Variants in TCP10L observed in about 807,000 individuals in gnomAD.
TCP10L encodes the protein t-complex 10 like, also known as T-complex protein 10A homolog 1.
A neutral mutation model predicts 19.2 loss-of-function variants in TCP10L; 11 were observed. The observed-to-expected ratio is 0.57, with a 90% CI of 0.36 to 0.95. The LOEUF (loss-of-function observed/expected upper bound fraction) is 0.95. TCP10L is among the 40% of genes least tolerant of loss of function. The pLI is 0.01. For synonymous variants in TCP10L, 96 were observed against 97.2 expected (o/e 0.99, Z 0.07); for missense variants, 247 against 263.9 (o/e 0.94, Z 0.44).
chr21:32,581,601 G>T (rs966336639), intron 3 of TCP10L, among the ~76,000 whole-genome samples: 2 of 152,154 alleles, frequency 1.3e-5, no homozygotes, highest in African/African-American at 2.4e-5. Flanking sequence ...TCCCCTAGAG[G>T]TTTGAGCAGT....
At chr21:32,577,214 C>T (rs149632332) in intron 4 of TCP10L, among the ~76,000 whole-genome samples, 1 of 152,310 alleles carries the variant, frequency 6.6e-6, no homozygotes, top group Non-Finnish European at 1.5e-5. Flanking sequence ...CTACATTTTG[C>T]ACTATTTAAC....
rs2038508481 is a variant in TCP10L at position 32,582,585 on chromosome 21, C to CTTTCCTTTCTTTCTTTCTTTTCTTTT, written c.145-171_145-170insAAAAGAAAAGAAAGAAAGAAAGGAAA. On this transcript the variant is annotated intron_variant, in intron 2 of 4. Coordinates refer to ENST00000300258, the MANE Select transcript of TCP10L (RefSeq NM_144659.7). The surrounding 1 kb of genome is among the most constrained non-coding windows in gnomAD (Gnocchi z 4.2). ...CAGCCTTTTTCTTTCTTCTTTCTTT[C>CTTTCCTTTCTTTCTTTCTTTTCTTTT]CTTTCTTTCTTTCTTTTCTTTTCTT... Among the ~76,000 whole-genome samples, 1 of 151,202 alleles carries CTTTCCTTTCTTTCTTTCTTTTCTTTT rather than the reference C, an allele frequency of 6.6e-6. No homozygotes were observed. Among genetic ancestry groups the CTTTCCTTTCTTTCTTTCTTTTCTTTT allele is most frequent in the Non-Finnish European group, 1.5e-5 (1 of 67,782 alleles).
At chr21:32,585,246 T>G (rs2038548906) in intron 1 of TCP10L, among the ~76,000 whole-genome samples, 175 bp downstream of exon 1, 1 of 152,188 alleles carries the variant, frequency 6.6e-6, no homozygotes, top group Non-Finnish European at 1.5e-5. Context: ...CCGCGGAGAC[T>G]GGGAATGTTT....
rs143047934 is a variant in TCP10L, at chr21:32,576,761, C to A, written c.*13G>T. On this transcript the variant is annotated 3_prime_UTR_variant, in exon 5 of 5. Transcript: ENST00000300258. Reference sequence around the variant, plus strand: ...GTAGAGTGACACAGGTGTCCGAGGCCACCTTTCCATCTTCAGACACCCCCC... The same window carrying A: ...GTAGAGTGACACAGGTGTCCGAGGCAACCTTTCCATCTTCAGACACCCCCC... 2 of 1,611,078 alleles carry A rather than the reference C, an allele frequency of 1.2e-6. No homozygotes were observed. Among genetic ancestry groups the A allele is most frequent in the Non-Finnish European group, 1.7e-6 (2 of 1,178,940 alleles).
At chr21:32,585,238 G>A (rs1248443689) in intron 1 of TCP10L, among the ~76,000 whole-genome samples, 183 bp downstream of exon 1, 2 of 152,158 alleles carry the variant, frequency 1.3e-5, no homozygotes, top group African/African-American at 2.4e-5. Context: ...TTCCTTCCCC[G>A]CGGAGACTGG....
rs141416764 is a variant in TCP10L at position 32,582,206 on chromosome 21, G to A, written c.354C>T (p.His118=). The A allele has an allele frequency of 1.8e-4, 291 of 1,614,082 alleles. No homozygotes were observed. The Middle Eastern group carries it at 1.8e-3, about 10-fold the overall frequency. ...AASPHAGQES[H]TLALEPAFGK... ...ATAAATGCGCTTTTGGTACCAGAGT[G>A]TGCGATTCTTGCCCCGCGTGTGGGG... Residue 118 remains histidine, a synonymous_variant, in exon 3 of 5, where the codon CAC becomes CAT. Transcript: ENST00000300258. This position sits in a 1 kb window ranked among gnomAD's most constrained non-coding sequence, Gnocchi z 4.2.
Position 32,584,152 on chromosome 21 carries a change from T to C in TCP10L, c.144+9A>G. The C allele has an allele frequency of 6.2e-7, 1 of 1,610,062 alleles. No homozygotes were observed. Among genetic ancestry groups the C allele is most frequent in the Non-Finnish European group, 8.5e-7 (1 of 1,177,338 alleles). The stretch of plus-strand genomic sequence containing the variant: ...GGGACTAACTCTGTCCCCACAGAGC[T>C]CAACTCACTGGCATCTCCCCAGTGT... On this transcript the variant is annotated intron_variant, in intron 2 of 4. Coordinates refer to ENST00000300258, the MANE Select transcript of TCP10L (RefSeq NM_144659.7).
intron 4 of TCP10L, chr21:32,577,308 C>T: frequency 5.3e-6 from 1 of 188,546 alleles, no homozygotes; most frequent in Non-Finnish European, 1.1e-5. Flanking sequence ...GTGATTAACT[C>T]AGGTCAATGA....
intron 3 of TCP10L, among the ~76,000 whole-genome samples, chr21:32,581,200 G>T (rs924754200): frequency 6.6e-6 from 1 of 152,224 alleles, no homozygotes; most frequent in Admixed American, 6.5e-5. Context: ...GGAATGACAC[G>T]GAGTTTGCTT....
rs2038505793 is a variant in TCP10L, at chr21:32,582,386, G to A, written c.174C>T (p.His58=). 1.2e-6 allele frequency: 2 copies of A among 1,613,520 alleles called. No individual in the cohort carries two copies. The highest frequency in any genetic ancestry group is 1.1e-5 in the South Asian group (1 of 90,924). Residue 58 remains histidine (H), a synonymous_variant, in exon 3 of 5, where the codon CAC becomes CAT. Transcript: ENST00000300258. This position sits in a 1 kb window ranked among gnomAD's most constrained non-coding sequence, Gnocchi z 4.2. The part of the protein sequence containing the change: ...PPLQQQIIRL[H]QELGRQKSLW... ...GAGACTTCTGTCTCCCAAGCTCTTG[G>A]TGGAGTCTGATGATCTGCTGCTGTA...
In TCP10L at chr21:32,582,127, A is replaced by G. The variant is rs80268977; in HGVS notation, c.360+73T>C. ...GTGATACCGCGTCATTCAGCAATAA[A>G]GCCCACATCTTTATGGGGACGCTAT... On this transcript the variant is annotated intron_variant, in intron 3 of 4. Coordinates refer to ENST00000300258, the MANE Select transcript of TCP10L (RefSeq NM_144659.7). This position sits in a 1 kb window ranked among gnomAD's most constrained non-coding sequence, Gnocchi z 4.2. The G allele has an allele frequency of 4.7e-3, 7,231 of 1,536,308 alleles. 325 individuals carry two copies. The African/African-American group carries it at 0.088, about 19-fold the overall frequency.
Position 32,585,481 on chromosome 21 carries a change from TC to T in TCP10L, c.-63del. 6.4e-6 allele frequency: 1 copy of T among 156,970 alleles called. No homozygotes were observed. Among genetic ancestry groups the T allele is most frequent in the Non-Finnish European group, 1.4e-5 (1 of 69,934 alleles). 9.7% of individuals were successfully genotyped at this position (156,970 alleles called of 1,614,324 possible). Reference sequence around the variant, plus strand: ...CATCTGGGCCATGTCCCCACAGTTGTCCCCAAGCCCTCCTGCCTCATATCCA... The same window carrying T: ...CATCTGGGCCATGTCCCCACAGTTGTCCCAAGCCCTCCTGCCTCATATCCA... On this transcript the variant is annotated 5_prime_UTR_variant, in exon 1 of 5. It removes the in-frame stop codon of an upstream open reading frame in the 5' UTR. Coordinates refer to ENST00000300258, the MANE Select transcript of TCP10L (RefSeq NM_144659.7).
At chr21:32,581,863 C>T (rs571621018) in intron 3 of TCP10L, among the ~76,000 whole-genome samples, 26 of 152,182 alleles carry the variant, frequency 1.7e-4, no homozygotes, top group Middle Eastern at 3.4e-3. Flanking sequence ...AGAGTAAGAC[C>T]GTAAAGCTCC....
intron 2 of TCP10L, among the ~76,000 whole-genome samples, chr21:32,583,365 G>A (rs1158113068): frequency 5.9e-5 from 9 of 151,762 alleles, no homozygotes; most frequent in Non-Finnish European, 1.2e-4. Flanking sequence ...CGAGGCGGGC[G>A]GATCACGAGG....
rs1326771685 is a variant in TCP10L at position 32,578,799 on chromosome 21, A to T, written c.393T>A (p.Pro131=). 6.2e-7 allele frequency: 1 copy of T among 1,614,198 alleles called. No individual in the cohort carries two copies. The highest frequency in any genetic ancestry group is 8.5e-7 in the Non-Finnish European group (1 of 1,180,038). The change falls in exon 4 of 5, where the codon CCT becomes CCA. Residue 131 remains proline (P), a synonymous_variant. Coordinates refer to ENST00000300258, the MANE Select transcript of TCP10L (RefSeq NM_144659.7). The surrounding 1 kb of genome is among the most constrained non-coding windows in gnomAD (Gnocchi z 4.2). ...ALEPAFGKIS[P]LSADEETIPK... ...GTATTGTCTCTTCATCAGCTGACAG[A>T]GGTGAAATTTTTCCAAAAGCAGGTT...
Position 32,578,628 on chromosome 21 carries a change from T to G in TCP10L, c.498+66A>C, listed in dbSNP as rs189579004. 2.6e-6 allele frequency: 4 copies of G among 1,565,748 alleles called. No individual in the cohort carries two copies. The highest frequency in any genetic ancestry group is 3.5e-6 in the Non-Finnish European group (4 of 1,156,924). On this transcript the variant is annotated intron_variant, in intron 4 of 4. Transcript: ENST00000300258. This position sits in a 1 kb window ranked among gnomAD's most constrained non-coding sequence, Gnocchi z 4.2. Reference sequence around the variant, plus strand: ...GTGAAATTGTGTGGTGAGGAGCTGATGGGATGTGTGTGTTTGGGTACAGAA... The same window carrying G: ...GTGAAATTGTGTGGTGAGGAGCTGAGGGGATGTGTGTGTTTGGGTACAGAA...
chr21:32,576,690 A>G lies in TCP10L; in HGVS notation c.*84T>C. On this transcript the variant is annotated 3_prime_UTR_variant, in exon 5 of 5. Transcript: ENST00000300258. ...ATAACAAATTGAGTACTTTTATTAG[A>G]CCTAAGTGGAACTTTATCTGAATCT... 1 of 1,390,578 alleles carries G rather than the reference A, an allele frequency of 7.2e-7. No individual in the cohort carries two copies. The allele number at this position is 1,390,578 out of a possible 1,614,324, so 86.1% of individuals were successfully genotyped here.
Position 32,582,339 on chromosome 21 carries a change from T to A in TCP10L, c.221A>T (p.Lys74Ile). The stretch of plus-strand genomic sequence containing the variant: ...CAAAGCATCTATATGACTCCGGAGT[T>A]TTCCATGAACATCAGCCCACAGAGA... ...QKSLWADVHG[K>I]LRSHIDALRE... Residue 74 changes from lysine (K) to isoleucine (I), a missense_variant, in exon 3 of 5, where the codon AAA (lysine) becomes ATA (isoleucine). Physicochemically the swap from Lys to Ile is moderately radical, Grantham distance 102 (BLOSUM62 -3). Transcript: ENST00000300258. This position sits in a 1 kb window ranked among gnomAD's most constrained non-coding sequence, Gnocchi z 4.2. 2 of 1,614,072 alleles carry A rather than the reference T, an allele frequency of 1.2e-6. No individual in the cohort carries two copies. The highest frequency in any genetic ancestry group is 1.7e-6 in the Non-Finnish European group (2 of 1,180,012).
chr21:32,580,308 G>A (rs957450196), intron 3 of TCP10L, among the ~76,000 whole-genome samples: 6 of 151,366 alleles, frequency 4.0e-5, no homozygotes, highest in Non-Finnish European at 8.9e-5. Context: ...GGGTTTCACC[G>A]TGTTAGCCAG....
Sources: gnomAD v4.1 joint callset for allele counts (sites outside exome capture counted in the v4.1 genomes callset) on GRCh38, gnomAD v4.1.1 for gene constraint, Gnocchi (gnomAD v3.1) non-coding constraint, MANE v1.5 for transcripts, NCBI Gene and HGNC (gene_info 2026-07-23, HGNC 2026-07-21) for gene names.